TSPAN9: variants seen among roughly 807,000 people sequenced by gnomAD.
TSPAN9 encodes tetraspanin-9.
TSPAN9 carries 16 observed loss-of-function variants against 31.0 expected under a neutral mutation model. The ratio of observed to expected loss-of-function variants is 0.52; its 90% confidence interval spans 0.35 to 0.78. The LOEUF (loss-of-function observed/expected upper bound fraction) is 0.78, where lower values mean the gene tolerates loss of function less well. TSPAN9 is among the 30% of genes least tolerant of loss of function. The probability of loss-of-function intolerance (pLI) is 0.01; values close to 1 mark genes in which losing one functional copy is unlikely to be tolerated. For synonymous variants in TSPAN9, 145 were observed against 121.6 expected (o/e 1.19, Z -1.27); for missense variants, 272 against 312.5 (o/e 0.87, Z 0.98).
intron 3 of TSPAN9, among the ~76,000 whole-genome samples, chr12:3,210,368 G>A (rs2098378001): frequency 6.6e-6 from 1 of 152,192 alleles, no homozygotes; most frequent in Non-Finnish European, 1.5e-5. Context: ...CAGTACAGTG[G>A]ATGTAAAATG....
At chr12:3,175,731 C>T (rs1395701186) in intron 2 of TSPAN9, among the ~76,000 whole-genome samples, 2 of 152,178 alleles carry the variant, frequency 1.3e-5, no homozygotes, top group Admixed American at 1.3e-4. Context: ...GCCTCAGTTT[C>T]TCCTTCTGTG....
At chr12:3,141,167 G>A (rs568690418) in intron 2 of TSPAN9, among the ~76,000 whole-genome samples, 7 of 152,080 alleles carry the variant, frequency 4.6e-5, no homozygotes, top group South Asian at 2.1e-4. Flanking sequence ...AGTCTCTGTC[G>A]GCTCTCAAAT....
At position 3,129,855 on chromosome 12, in the gene TSPAN9, G is replaced by C. The variant is rs985236250; in HGVS notation, c.-18+46136G>C. ...GCGTCCCTGGGGCCAGCTGTCCCTCGGGGAAGCAGTGACGGGAGCCTGGCA... is the reference window on the plus strand; with the variant it reads ...GCGTCCCTGGGGCCAGCTGTCCCTCCGGGAAGCAGTGACGGGAGCCTGGCA... On this transcript the variant is annotated intron_variant, in intron 2 of 8. Transcript: ENST00000011898. Among the ~76,000 whole-genome samples the C allele has an allele frequency of 2.0e-5, 3 of 152,098 alleles. No homozygotes were observed. In the East Asian group the frequency reaches 5.8e-4, roughly 29 times the overall value.
At chr12:3,267,883 G>A (rs967955074) in intron 3 of TSPAN9, among the ~76,000 whole-genome samples, 1 of 152,176 alleles carries the variant, frequency 6.6e-6, no homozygotes, top group Non-Finnish European at 1.5e-5. Context: ...CCTGCCCAAC[G>A]TAGAGTGCCC....
At chr12:3,216,212 A>G (rs1446562829) in intron 3 of TSPAN9, among the ~76,000 whole-genome samples, 2 of 151,898 alleles carry the variant, frequency 1.3e-5, no homozygotes, top group East Asian at 3.9e-4. Flanking sequence ...AGTTGGACAG[A>G]TTTGCTTGCT....
chr12:3,122,992 G>A (rs1179580729), intron 2 of TSPAN9, among the ~76,000 whole-genome samples: 1 of 152,198 alleles, frequency 6.6e-6, no homozygotes, highest in African/African-American at 2.4e-5. Flanking sequence ...TTGGTCAGGG[G>A]TCCCTGGGGG....
chr12:3,165,982 G>C (rs1410590446), intron 2 of TSPAN9, among the ~76,000 whole-genome samples: 1 of 152,120 alleles, frequency 6.6e-6, no homozygotes, highest in African/African-American at 2.4e-5. Flanking sequence ...GGAACTCGTC[G>C]GTCTAACAGG....
At chr12:3,149,588 G>A (rs1441831716) in intron 2 of TSPAN9, among the ~76,000 whole-genome samples, 2 of 152,194 alleles carry the variant, frequency 1.3e-5, no homozygotes, top group African/African-American at 4.8e-5. Context: ...ATGGTGTAAA[G>A]AGTTGATTTG....
chr12:3,078,960 G>A (rs1446719610), intron 1 of TSPAN9, among the ~76,000 whole-genome samples: 4 of 147,756 alleles, frequency 2.7e-5, no homozygotes, highest in African/African-American at 5.0e-5. Flanking sequence ...TAATTCATAC[G>A]TAATCTTGTG....
intron 2 of TSPAN9, among the ~76,000 whole-genome samples, chr12:3,158,519 C>T (rs1052982190): frequency 4.0e-5 from 6 of 151,604 alleles, no homozygotes; most frequent in South Asian, 2.1e-4. Flanking sequence ...GTCAGGAGTT[C>T]GAGACCAGCC....
At chr12:3,207,581 C>A (rs1292150251) in intron 3 of TSPAN9, among the ~76,000 whole-genome samples, 1 of 152,156 alleles carries the variant, frequency 6.6e-6, no homozygotes, top group Non-Finnish European at 1.5e-5. Context: ...AGATCTGAAA[C>A]CTCTTCTCAC....
At chr12:3,235,047 G>T (rs1387080049) in intron 3 of TSPAN9, among the ~76,000 whole-genome samples, 2 of 148,802 alleles carry the variant, frequency 1.3e-5, no homozygotes, top group Non-Finnish European at 3.0e-5. Context: ...GGCGCCTGTA[G>T]TCCCAGCTAC....
chr12:3,277,311 C>A (rs1445223923), intron 3 of TSPAN9, among the ~76,000 whole-genome samples: 2 of 152,198 alleles, frequency 1.3e-5, no homozygotes, highest in Non-Finnish European at 1.5e-5. Context: ...CCTAGTCCAC[C>A]CACCCTTTAG....
rs142572921 is a variant in TSPAN9 at position 3,101,497 on chromosome 12, G to A, written c.-18+17778G>A. Among the ~76,000 whole-genome samples, 553 of 152,248 alleles carry A rather than the reference G, an allele frequency of 3.6e-3. 3 individuals are homozygous for A. Among genetic ancestry groups the A allele is most frequent in the Non-Finnish European group, 5.3e-3 (363 of 68,004 alleles). ...ATCTTACTCCTCCTCTGAGCCCCAT[G>A]ATTCATCCTCTGGCAGCCTCCCATC... On this transcript the variant is annotated intron_variant, in intron 2 of 8. Coordinates refer to ENST00000011898, the MANE Select transcript of TSPAN9 (RefSeq NM_006675.5).
At position 3,168,318 on chromosome 12, in the gene TSPAN9, C is replaced by A. The variant is rs12370932; in HGVS notation, c.-17-32859C>A. ...TTCATAAAATCTCCCCTCTAGCGCT[C>A]GTCTTTTTGCTTCCTTCAATTCAAG... On this transcript the variant is annotated intron_variant, in intron 2 of 8. Coordinates refer to ENST00000011898, the MANE Select transcript of TSPAN9 (RefSeq NM_006675.5). This position sits in a 1 kb window ranked among gnomAD's most constrained non-coding sequence, Gnocchi z 4.0. Among the ~76,000 whole-genome samples the A allele has an allele frequency of 6.6e-6, 1 of 152,158 alleles. No homozygotes were observed. Among genetic ancestry groups the A allele is most frequent in the Non-Finnish European group, 1.5e-5 (1 of 68,024 alleles).
At chr12:3,197,373 C>T (rs961572037) in intron 2 of TSPAN9, among the ~76,000 whole-genome samples, 1 of 152,212 alleles carries the variant, frequency 6.6e-6, no homozygotes, top group Non-Finnish European at 1.5e-5. Context: ...GATGCTACAT[C>T]AGGAGGCGAC....
chr12:3,077,631 A>G (rs2098295745), intron 1 of TSPAN9, among the ~76,000 whole-genome samples, 178 bp downstream of exon 1: 1 of 134,154 alleles, frequency 7.5e-6, no homozygotes, highest in South Asian at 2.5e-4. Flanking sequence ...CGAGAGGACG[A>G]GGAACAGAGT....
intron 2 of TSPAN9, among the ~76,000 whole-genome samples, chr12:3,184,742 G>A (rs899864960): frequency 6.6e-6 from 1 of 152,202 alleles, no homozygotes; most frequent in African/African-American, 2.4e-5. Context: ...GCGGCATGAG[G>A]TTGGGGATGG....
At chr12:3,104,414 A>G (rs981514832) in intron 2 of TSPAN9, among the ~76,000 whole-genome samples, 16 of 151,898 alleles carry the variant, frequency 1.1e-4, no homozygotes, top group Middle Eastern at 3.4e-3. Context: ...GTCCGGTGGC[A>G]TGATCATGGC....
Sources: gnomAD v4.1 joint callset for allele counts (sites outside exome capture counted in the v4.1 genomes callset) on GRCh38, gnomAD v4.1.1 for gene constraint, Gnocchi (gnomAD v3.1) non-coding constraint, MANE v1.5 for transcripts, NCBI Gene and HGNC (gene_info 2026-07-23, HGNC 2026-07-21) for gene names.